Variants in SLC39A1 observed in about 807,000 individuals in gnomAD.
SLC39A1 encodes the protein solute carrier family 39 member 1.
SLC39A1 carries 17 observed loss-of-function variants against 21.4 expected under a neutral mutation model. That is an observed-to-expected ratio of 0.79 (90% CI 0.54 to 1.19). The LOEUF is 1.19. SLC39A1 is among the 50% of genes most tolerant of loss of function. SLC39A1 has a pLI of 0.00. For synonymous variants in SLC39A1, 183 were observed against 185.9 expected (o/e 0.98, Z 0.13); for missense variants, 343 against 399.8 (o/e 0.86, Z 1.21).
At chr1:153,962,407 C>G (rs757341439) in intron 2 of SLC39A1, 57 bp from the exon 3 acceptor site, 2 of 1,587,134 alleles carry the variant, frequency 1.3e-6, no homozygotes, top group South Asian at 1.1e-5. Flanking sequence ...CCAGGGCCGA[C>G]CACCCCAACC....
upstream of SLC39A1, chr1:153,967,504 G>T (rs12027029): frequency 6.6e-6 from 1 of 152,152 alleles, no homozygotes; most frequent in African/African-American, 2.4e-5. Context: ...AAGTCCCGCC[G>T]GCCGGACGCA....
chr1:153,963,129 A>G (rs1198059348), intron 1 of SLC39A1: 5 of 166,158 alleles, frequency 3.0e-5, no homozygotes, highest in Non-Finnish European at 6.4e-5. Flanking sequence ...GGTGAAGCCA[A>G]AAAGGCTAGG....
chr1:153,961,134 G>A lies in SLC39A1; in HGVS notation c.319-380C>T, dbSNP rs538142698. ...CTACTAAAAATACAAAAATTGGCAG[G>A]GTGTGGTGGTGGATGCCTGTAATCC... On this transcript the variant is annotated intron_variant, in intron 3 of 3. Coordinates refer to ENST00000356205, the MANE Select transcript of SLC39A1 (RefSeq NM_001271958.2). Among the ~76,000 whole-genome samples the A allele has an allele frequency of 1.6e-4, 24 of 152,206 alleles. No individual in the cohort carries two copies. In the South Asian group the frequency reaches 3.7e-3, roughly 24 times the overall value.
chr1:153,960,530 A>T lies in SLC39A1; in HGVS notation c.543T>A (p.Cys181Ter). The change falls in exon 4 of 4, where the codon TGT becomes TGA. Residue 181 changes from cysteine to a stop codon, truncating the protein, a stop_gained. Coordinates refer to ENST00000356205, the MANE Select transcript of SLC39A1 (RefSeq NM_001271958.2). LOFTEE classifies it high-confidence loss of function. ...GGAGGGCCAGGGAGAACACCAGTAC[A>T]CAGGCACGCAAGGCTGAGGGGGTTG... ...APATPSALRA[C>*]VLVFSLALHS... The T allele has an allele frequency of 6.2e-7, 1 of 1,613,870 alleles. No individual in the cohort carries two copies. The highest frequency in any genetic ancestry group is 8.5e-7 in the Non-Finnish European group (1 of 1,180,002).
Position 153,962,864 on chromosome 1 carries a change from C to G in SLC39A1, c.-32-117G>C, listed in dbSNP as rs1647565393. On this transcript the variant is annotated intron_variant, in intron 1 of 3. Transcript: ENST00000356205. ...TGGCCCCAGCCACTTTGTGACCTTC[C>G]CCTACCCAGGGTGACTCATCTACTC... 4.1e-6 allele frequency: 3 copies of G among 725,938 alleles called. No homozygotes were observed. In the Admixed American group the frequency reaches 9.3e-5, roughly 22 times the overall value. 45.0% of individuals were successfully genotyped at this position (725,938 alleles called of 1,614,324 possible).
chr1:153,966,525 G>A (rs1647794846), upstream of SLC39A1: 1 of 152,218 alleles, frequency 6.6e-6, no homozygotes, highest in African/African-American at 2.4e-5. Flanking sequence ...CAGCTACTAG[G>A]GAGGCTGAGG....
In SLC39A1 at chr1:153,962,581, G is replaced by A. The variant is rs1016956454; in HGVS notation, c.135C>T (p.Ser45=). 9 of 1,613,630 alleles carry A rather than the reference G, an allele frequency of 5.6e-6. No homozygotes were observed. The highest frequency in any genetic ancestry group is 4.0e-5 in the African/African-American group (3 of 74,930). The change falls in exon 2 of 4, where the codon AGC becomes AGT. Residue 45 remains serine (S), a synonymous_variant. Transcript: ENST00000356205. The part of the protein sequence containing the change: ...VLLLVLTLLC[S]LVPICVLRRP... ...GGCGCAGCACACAGATGGGCACCAGGCTGCAGAGGAGGGTGAGCACCAGCA... is the reference window on the plus strand; with the variant it reads ...GGCGCAGCACACAGATGGGCACCAGACTGCAGAGGAGGGTGAGCACCAGCA...
In SLC39A1 at chr1:153,962,767, T is replaced by C; in HGVS notation, c.-32-20A>G. 6.9e-7 allele frequency: 1 copy of C among 1,455,824 alleles called. No individual in the cohort carries two copies. The highest frequency in any genetic ancestry group is 9.1e-7 in the Non-Finnish European group (1 of 1,102,448). 90.2% of individuals were successfully genotyped at this position (1,455,824 alleles called of 1,614,324 possible). A position where few individuals can be genotyped will look rare whatever the true frequency, so the allele number is the denominator to read the frequency against. On this transcript the variant is annotated intron_variant, in intron 1 of 3. Coordinates refer to ENST00000356205, the MANE Select transcript of SLC39A1 (RefSeq NM_001271958.2). Reference sequence around the variant, plus strand: ...TCAGACCTAGGAAGACAGACCAGAGTGGTTGGGAAAAATCATGCAAAGGAA... The same window carrying C: ...TCAGACCTAGGAAGACAGACCAGAGCGGTTGGGAAAAATCATGCAAAGGAA...
At chr1:153,964,383 T>C (rs1266362801), upstream of SLC39A1, 1 of 152,246 alleles carries the variant, frequency 6.6e-6, no homozygotes, top group Non-Finnish European at 1.5e-5. Context: ...ACCTGGATTC[T>C]TGTGGCCCAC....
At chr1:153,967,107 T>C (rs1468218959), upstream of SLC39A1, among the ~76,000 whole-genome samples, 1 of 152,264 alleles carries the variant, frequency 6.6e-6, no homozygotes, top group Non-Finnish European at 1.5e-5. Flanking sequence ...CCGGTAACTG[T>C]ATGCAAACAA....
chr1:153,968,144 C>A, upstream of SLC39A1: 1 of 168,844 alleles, frequency 5.9e-6, no homozygotes, highest in Admixed American at 6.0e-5. Flanking sequence ...ATACAGCGGC[C>A]CTACCGTGGC....
In SLC39A1 at chr1:153,960,102, AT is replaced by A. The variant is rs1334479007; in HGVS notation, c.970del (p.Ile324SerfsTer12). On this transcript the variant is annotated frameshift_variant, in exon 4 of 4. Transcript: ENST00000356205. LOFTEE classifies it high-confidence loss of function. ...ALLTGLLFIQ[I>X] ...CTGCCCCTCTCTTGAAGCCCCCTAG[AT>A]TTGGATGAAGAGCAGGCCAGTGAGC... 1 of 1,600,960 alleles carries A rather than the reference AT, an allele frequency of 6.2e-7. No individual in the cohort carries two copies. The highest frequency in any genetic ancestry group is 8.5e-7 in the Non-Finnish European group (1 of 1,172,056).
chr1:153,962,637 G>A lies in SLC39A1; in HGVS notation c.79C>T (p.Leu27=), dbSNP rs1296256207. 2.5e-6 allele frequency: 4 copies of A among 1,613,152 alleles called. No individual in the cohort carries two copies. Among genetic ancestry groups the A allele is most frequent in the Non-Finnish European group, 3.4e-6 (4 of 1,179,666 alleles). The part of the protein sequence containing the change: ...VASEPPVPVG[L]EVKLGALVLL... ...ACCAGGGCCCCCAACTTCACCTCCA[G>A]CCCCACAGGCACTGGAGGCTCTGAA... The change falls in exon 2 of 4, where the codon CTG becomes TTG. Residue 27 remains leucine (L), a synonymous_variant. Transcript: ENST00000356205.
chr1:153,962,493 G>A, intron 2 of SLC39A1, 36 bp downstream of exon 2: 14 of 1,594,348 alleles, frequency 8.8e-6, no homozygotes, highest in Non-Finnish European at 1.2e-5. Flanking sequence ...CCTAAGCCAA[G>A]CATTCATAGC....
chr1:153,967,406 G>C (rs1647862424), upstream of SLC39A1: 1 of 152,248 alleles, frequency 6.6e-6, no homozygotes, highest in South Asian at 2.1e-4. Flanking sequence ...AGGGTTTCCC[G>C]GAGCTTTCTC....
intron 1 of SLC39A1, chr1:153,963,036 T>G: frequency 3.9e-6 from 1 of 255,912 alleles, no homozygotes; most frequent in Admixed American, 5.5e-5. Context: ...ACTAGGAAAC[T>G]AGGAGCCGCC....
Position 153,960,216 on chromosome 1 carries a change from A to G in SLC39A1, c.857T>C (p.Ile286Thr). 6.2e-7 allele frequency: 1 copy of G among 1,614,220 alleles called. No individual in the cohort carries two copies. Among genetic ancestry groups the G allele is most frequent in the African/African-American group, 1.3e-5 (1 of 75,062 alleles). Residue 286 changes from isoleucine to threonine, a missense_variant, in exon 4 of 4, where the codon ATC becomes ACC. Coordinates refer to ENST00000356205, the MANE Select transcript of SLC39A1 (RefSeq NM_001271958.2). Reference protein sequence around the residue: ...EGMAAGTFLYITFLEILPQEL... With the variant: ...EGMAAGTFLYTTFLEILPQEL... ...CTGGGGCAGGATTTCCAGAAAGGTG[A>G]TATAGAGAAAGGTGCCAGCTGCCAT... is the stretch of plus-strand genomic sequence containing the variant.
chr1:153,959,996 T>C lies in SLC39A1; in HGVS notation c.*102A>G. The C allele has an allele frequency of 7.0e-7, 1 of 1,429,146 alleles. No homozygotes were observed. The highest frequency in any genetic ancestry group is 1.4e-5 in the South Asian group (1 of 71,762). 88.5% of individuals were successfully genotyped at this position (1,429,146 alleles called of 1,614,324 possible). ...TCCCAGAGAACTTTTTGGTCCTCAG[T>C]ATTTCCCTTCCCCTTTCCTTCCTAT... On this transcript the variant is annotated 3_prime_UTR_variant, in exon 4 of 4. Transcript: ENST00000356205.
upstream of SLC39A1, among the ~76,000 whole-genome samples, chr1:153,965,377 A>G (rs940464026): frequency 3.3e-5 from 5 of 152,206 alleles, no homozygotes; most frequent in African/African-American, 7.2e-5. Flanking sequence ...CAGTGAGCCA[A>G]GATCACACCT....
Sources: allele counts gnomAD v4.1 joint callset (sites outside exome capture counted in the v4.1 genomes callset), GRCh38; gene constraint gnomAD v4.1.1; transcripts MANE v1.5; gene names NCBI Gene and HGNC (gene_info 2026-07-23, HGNC 2026-07-21).